Variants in DACH1 observed in about 807,000 individuals in gnomAD.
DACH1 encodes dachshund homolog 1.
A neutral mutation model predicts 54.2 loss-of-function variants in DACH1; 12 were observed. The observed-to-expected ratio is 0.22, with a 90% CI of 0.14 to 0.36. The LOEUF (loss-of-function observed/expected upper bound fraction) is 0.36, where lower values mean the gene tolerates loss of function less well. Ranked by LOEUF, DACH1 falls within the 10% of genes least tolerant of loss-of-function variation. DACH1 has a pLI of 1.00. For missense variants in DACH1, 805 were observed against 929.8 expected (o/e 0.87, Z 1.75); for synonymous variants, 386 against 366.2 (o/e 1.05, Z -0.62).
intron 1 of DACH1, among the ~76,000 whole-genome samples, chr13:71,816,581 C>CGT (rs1213099696): frequency 5.1e-4 from 63 of 122,720 alleles, no homozygotes; most frequent in Middle Eastern, 4.3e-3. Context: ...TATATATACA[C>CGT]GTATATATAT....
At chr13:71,537,471 G>A (rs1364007990) in intron 6 of DACH1, among the ~76,000 whole-genome samples, 2 of 152,124 alleles carry the variant, frequency 1.3e-5, no homozygotes, top group Non-Finnish European at 2.9e-5. Context: ...TATGAGAGCA[G>A]GGGATTTGTT....
At chr13:71,454,016 T>C (rs529444842) in intron 10 of DACH1, among the ~76,000 whole-genome samples, 2 of 151,876 alleles carry the variant, frequency 1.3e-5, no homozygotes, top group African/African-American at 4.8e-5. Context: ...AGAGATAAGT[T>C]CAAAGATGTG....
chr13:71,753,420 C>T (rs371410484), intron 1 of DACH1, among the ~76,000 whole-genome samples: 1 of 152,046 alleles, frequency 6.6e-6, no homozygotes, highest in African/African-American at 2.4e-5. Context: ...GTTCGTGCAC[C>T]ATCACATGCA....
At chr13:71,649,551 T>C (rs1049989420) in intron 2 of DACH1, among the ~76,000 whole-genome samples, 6 of 152,180 alleles carry the variant, frequency 3.9e-5, no homozygotes, top group Non-Finnish European at 8.8e-5. Flanking sequence ...GCAATCCATA[T>C]ATGTAGGCTA....
chr13:71,739,481 G>C (rs540957065), intron 1 of DACH1, among the ~76,000 whole-genome samples: 2 of 152,168 alleles, frequency 1.3e-5, no homozygotes, highest in Non-Finnish European at 2.9e-5. Context: ...AAGTTATTAT[G>C]TTTCAATAAG....
intron 6 of DACH1, among the ~76,000 whole-genome samples, chr13:71,535,833 GAAC>G (rs924821994): frequency 6.6e-6 from 1 of 151,606 alleles, no homozygotes; most frequent in Non-Finnish European, 1.5e-5. Context: ...AAAATGTTTT[GAAC>G]AATAGTTTAA....
At chr13:71,686,664 G>A (rs1881181911) in intron 1 of DACH1, among the ~76,000 whole-genome samples, 1 of 152,134 alleles carries the variant, frequency 6.6e-6, no homozygotes, top group African/African-American at 2.4e-5. Flanking sequence ...AATCTCTTCA[G>A]TAGTTTTTGA....
intron 2 of DACH1, among the ~76,000 whole-genome samples, chr13:71,642,988 G>A (rs1437449564): frequency 6.6e-6 from 1 of 151,848 alleles, no homozygotes; most frequent in East Asian, 1.9e-4. Context: ...TCGCGCCACT[G>A]CACTCCAGCC....
intron 1 of DACH1, among the ~76,000 whole-genome samples, chr13:71,784,640 C>A (rs183265599): frequency 1.3e-5 from 2 of 152,252 alleles, no homozygotes; most frequent in Non-Finnish European, 1.5e-5. Context: ...TAGAAGTCCA[C>A]TGCCCTCTCC....
chr13:71,692,010 T>TACACACACAC lies in DACH1; in HGVS notation c.849-10110_849-10101dup, dbSNP rs34800453. On this transcript the variant is annotated intron_variant, in intron 1 of 10. Coordinates refer to ENST00000613252, the MANE Select transcript of DACH1 (RefSeq NM_080759.6). The stretch of plus-strand genomic sequence containing the variant: ...CAGCCATAGAGGCATAGCCCCCCAT[T>TACACACACAC]ACACACACACACACACACACACACA... 2.4e-4 allele frequency among the ~76,000 whole-genome samples: 34 copies of TACACACACAC among 140,122 alleles called. 1 individual carries two copies. The highest frequency in any genetic ancestry group is 4.1e-4 in the Non-Finnish European group (26 of 64,144). 91.9% of individuals were successfully genotyped at this position (140,122 alleles called of 152,430 possible).
chr13:71,679,941 CA>C (rs71123298), intron 2 of DACH1, among the ~76,000 whole-genome samples: 1,752 of 70,204 alleles, frequency 0.025, 14 homozygotes, highest in African/African-American at 0.085. Flanking sequence ...GACTCCGTCT[CA>C]AAAAAAAAAA....
intron 1 of DACH1, among the ~76,000 whole-genome samples, chr13:71,783,795 G>A (rs930324378): frequency 2.0e-5 from 3 of 150,138 alleles, no homozygotes; most frequent in Non-Finnish European, 4.4e-5. Flanking sequence ...AAGAATGAAT[G>A]GAAAAAAACA....
intron 1 of DACH1, among the ~76,000 whole-genome samples, chr13:71,714,954 T>G (rs1285892975): frequency 6.6e-6 from 1 of 152,016 alleles, no homozygotes; most frequent in Non-Finnish European, 1.5e-5. Flanking sequence ...GGTTGTGACT[T>G]AACTGAGAAA....
At chr13:71,519,276 C>G (rs1484562952) in intron 6 of DACH1, among the ~76,000 whole-genome samples, 3 of 151,782 alleles carry the variant, frequency 2.0e-5, no homozygotes, top group Admixed American at 2.0e-4. Context: ...TCAATTAGCT[C>G]TAACCTATAT....
At chr13:71,810,084 T>A (rs1887653323) in intron 1 of DACH1, among the ~76,000 whole-genome samples, 1 of 152,194 alleles carries the variant, frequency 6.6e-6, no homozygotes, top group Non-Finnish European at 1.5e-5. Context: ...TGAAGACCAA[T>A]GTTACCAATT....
intron 6 of DACH1, among the ~76,000 whole-genome samples, chr13:71,492,738 TGTGA>T (rs1169317955): frequency 6.6e-6 from 1 of 151,526 alleles, no homozygotes; most frequent in Non-Finnish European, 1.5e-5. Context: ...TCTGTGTGTG[TGTGA>T]GTGTGTGTGT....
intron 7 of DACH1, among the ~76,000 whole-genome samples, chr13:71,487,821 TTAACA>T (rs1878660195): frequency 6.6e-6 from 1 of 152,170 alleles, no homozygotes; most frequent in African/African-American, 2.4e-5. Context: ...AACATTTACC[TTAACA>T]TAAGAAAAAT....
intron 7 of DACH1, among the ~76,000 whole-genome samples, chr13:71,479,905 C>T (rs777685559): frequency 3.9e-5 from 6 of 152,168 alleles, no homozygotes; most frequent in South Asian, 2.1e-4. Context: ...ACCCTCATTT[C>T]ATTTCATCTT....
intron 1 of DACH1, among the ~76,000 whole-genome samples, chr13:71,787,555 A>T (rs527921525): frequency 6.2e-4 from 95 of 152,278 alleles, no homozygotes; most frequent in African/African-American, 2.2e-3. Context: ...CATTCTGTGG[A>T]TTGGAGAGAT....
Sources: gnomAD v4.1 joint callset for allele counts (sites outside exome capture counted in the v4.1 genomes callset) on GRCh38, gnomAD v4.1.1 for gene constraint, MANE v1.5 for transcripts, NCBI Gene and HGNC (gene_info 2026-07-23, HGNC 2026-07-21) for gene names.